The following DOCK5 variants were observed in gnomAD, a reference collection of about 807,000 sequenced individuals.
The protein encoded by DOCK5 is dedicator of cytokinesis protein 5.
DOCK5 carries 142 observed loss-of-function variants against 251.8 expected under a neutral mutation model. That is an observed-to-expected ratio of 0.56 (90% CI 0.49 to 0.65). DOCK5 has a LOEUF of 0.65. Ranked by LOEUF, DOCK5 falls within the 30% of genes least tolerant of loss-of-function variation. DOCK5 has a pLI of 0.00. For synonymous variants in DOCK5, 842 were observed against 835.5 expected, an observed-to-expected ratio of 1.01 and a Z score of -0.13; for missense variants, 2,111 against 2,312.3, an observed-to-expected ratio of 0.91 and a Z score of 1.79.
chr8:25,377,082 T>C (rs1800975672), intron 37 of DOCK5, among the ~76,000 whole-genome samples: 1 of 152,208 alleles, frequency 6.6e-6, no homozygotes, highest in Non-Finnish European at 1.5e-5. Flanking sequence ...CGACCTTGCT[T>C]TGTCGCTGGC....
chr8:25,368,740 A>T lies in DOCK5; in HGVS notation c.3438+15A>T. 6.2e-7 allele frequency: 1 copy of T among 1,609,422 alleles called. No homozygotes were observed. Among genetic ancestry groups the T allele is most frequent in the Non-Finnish European group, 8.5e-7 (1 of 1,177,492 alleles). ...ATTTCCATATGGTAAGAAGTGGCAG[A>T]CCGCGTAATATTAGTAAATGGACAT... is the stretch of plus-strand genomic sequence containing the variant. On this transcript the variant is annotated intron_variant, in intron 33 of 51. Transcript: ENST00000276440.
At chr8:25,187,814 C>G (rs1367092235) in intron 1 of DOCK5, among the ~76,000 whole-genome samples, 1 of 152,120 alleles carries the variant, frequency 6.6e-6, no homozygotes, top group Non-Finnish European at 1.5e-5. Context: ...CCCATTGTGC[C>G]TGTCCCTGCC....
At chr8:25,351,945 G>T (rs1329534854) in intron 27 of DOCK5, 119 bp downstream of exon 27, 3 of 699,784 alleles carry the variant, frequency 4.3e-6, no homozygotes, top group East Asian at 5.4e-5. Context: ...CTCACATCAT[G>T]GGTCATTGGT....
chr8:25,286,557 G>A (rs1159910134), intron 5 of DOCK5, among the ~76,000 whole-genome samples: 3 of 152,326 alleles, frequency 2.0e-5, no homozygotes, highest in Admixed American at 2.0e-4. Flanking sequence ...CTGCATGGAA[G>A]AGGAAAGGTT....
At chr8:25,367,104 A>G in intron 31 of DOCK5, 134 bp downstream of exon 31, 2 of 745,670 alleles carry the variant, frequency 2.7e-6, no homozygotes, top group Non-Finnish European at 4.5e-6. Context: ...TCTTCAACTA[A>G]TTACTTAATA....
chr8:25,361,036 A>G (rs1323574104), intron 28 of DOCK5, among the ~76,000 whole-genome samples: 2 of 152,164 alleles, frequency 1.3e-5, no homozygotes, highest in Admixed American at 6.5e-5. Flanking sequence ...GTGCACAGCT[A>G]GGCCTTTGCC....
intron 2 of DOCK5, among the ~76,000 whole-genome samples, chr8:25,246,078 T>C (rs576754551): frequency 2.6e-5 from 4 of 152,282 alleles, no homozygotes; most frequent in African/African-American, 9.6e-5. Context: ...TAACTTTTAA[T>C]TCCTATTTAT....
chr8:25,335,513 T>C (rs1401698904), intron 21 of DOCK5, among the ~76,000 whole-genome samples: 1 of 151,328 alleles, frequency 6.6e-6, no homozygotes, highest in East Asian at 1.9e-4. Context: ...ATAATAATTA[T>C]AAGTGACTAT....
chr8:25,296,722 A>T, intron 7 of DOCK5, 74 bp downstream of exon 7: 2 of 1,568,158 alleles, frequency 1.3e-6, no homozygotes, highest in Non-Finnish European at 1.7e-6. Context: ...AAAGAAAGGG[A>T]AATCATTGAG....
chr8:25,342,415 A>G lies in DOCK5; in HGVS notation c.2525A>G (p.Lys842Arg). The G allele has an allele frequency of 6.3e-7, 1 of 1,594,310 alleles. No homozygotes were observed. The highest frequency in any genetic ancestry group is 8.6e-7 in the Non-Finnish European group (1 of 1,168,832). ...DPVELSVLFC[K>R]FIQSIPDNQL... ...TTCTCTCCCAGCGTGCTCTTCTGCA[A>G]ATTCATTCAAAGCATTCCTGACAAC... Residue 842 changes from lysine to arginine, a missense_variant, in exon 25 of 52, where the codon AAA (lysine) becomes AGA (arginine). Lys to Arg is a conservative substitution (Grantham distance 26). Around this residue, in one of 3 missense-constraint regions of DOCK5, gnomAD observed 1,717 missense variants for 1,892.4 expected, o/e 0.91. Coordinates refer to ENST00000276440, the MANE Select transcript of DOCK5 (RefSeq NM_024940.8).
rs1801655521 is a variant in DOCK5, at chr8:25,412,880, CAGAT to C, written c.*1583_*1586del. The C allele has an allele frequency of 2.0e-5, 3 of 152,212 alleles. No homozygotes were observed. The highest frequency in any genetic ancestry group is 7.2e-5 in the African/African-American group (3 of 41,436). 9.4% of individuals were successfully genotyped at this position (152,212 alleles called of 1,614,324 possible). A position where few individuals can be genotyped will look rare whatever the true frequency, so the allele number is the denominator to read the frequency against. ...TGAGGGTCAGGGAAGCAAAAGCTCTCAGATGTGTCCAGGGCGTTACTTAAGAAAT... is the reference window on the plus strand; with the variant it reads ...TGAGGGTCAGGGAAGCAAAAGCTCTCGTGTCCAGGGCGTTACTTAAGAAAT... On this transcript the variant is annotated 3_prime_UTR_variant, in exon 52 of 52. Transcript: ENST00000276440.
chr8:25,371,246 T>A (rs1029972705), intron 34 of DOCK5, among the ~76,000 whole-genome samples: 3 of 152,258 alleles, frequency 2.0e-5, no homozygotes, highest in African/African-American at 7.2e-5. Flanking sequence ...GAGATGGGGT[T>A]TCACGATGTT....
chr8:25,312,726 G>A (rs1205444886), intron 13 of DOCK5, among the ~76,000 whole-genome samples: 1 of 147,334 alleles, frequency 6.8e-6, no homozygotes, highest in Non-Finnish European at 1.5e-5. Context: ...TTGCACCACC[G>A]CGCTCCAGCA....
At chr8:25,265,115 A>G (rs1443363218) in intron 2 of DOCK5, among the ~76,000 whole-genome samples, 1 of 151,410 alleles carries the variant, frequency 6.6e-6, no homozygotes, top group Admixed American at 6.6e-5. Flanking sequence ...TCTCCATGGC[A>G]TATAATACCT....
At chr8:25,194,915 C>T (rs1417949157) in intron 1 of DOCK5, among the ~76,000 whole-genome samples, 7 of 86,700 alleles carry the variant, frequency 8.1e-5, no homozygotes, top group Admixed American at 1.3e-4. Context: ...GCTACTGCAA[C>T]GGTATTTTTT....
rs757419390 is a variant in DOCK5 at position 25,345,605 on chromosome 8, G to T, written c.2748G>T (p.Lys916Asn). The T allele has an allele frequency of 6.2e-7, 1 of 1,613,732 alleles. No individual in the cohort carries two copies. Among genetic ancestry groups the T allele is most frequent in the Non-Finnish European group, 8.5e-7 (1 of 1,179,836 alleles). ...ACATCCTGGAGGTGCTGGACAGGAA[G>T]GATGTGGTGAGTTGAGTCATCACTG... ...LSNILEVLDR[K>N]DVGATAVHIQ... The change falls in exon 26 of 52, where the codon AAG becomes AAT. Residue 916 changes from lysine (K) to asparagine (N), a missense_variant. Coordinates refer to ENST00000276440, the MANE Select transcript of DOCK5 (RefSeq NM_024940.8).
chr8:25,210,033 T>TATAAAAAA (rs1293166301), intron 1 of DOCK5, among the ~76,000 whole-genome samples: 2 of 22,866 alleles, frequency 8.7e-5, no homozygotes, highest in African/African-American at 1.8e-4. Flanking sequence ...TATATATATA[T>TATAAAAAA]AAATGTGTGT....
At chr8:25,363,562 T>C (rs1351782366) in intron 29 of DOCK5, among the ~76,000 whole-genome samples, 1 of 152,266 alleles carries the variant, frequency 6.6e-6, no homozygotes, top group Non-Finnish European at 1.5e-5. Context: ...GAAATAGCAC[T>C]GTCATGGCCT....
At chr8:25,328,062 C>T (rs879470229) in intron 18 of DOCK5, among the ~76,000 whole-genome samples, 6 of 151,208 alleles carry the variant, frequency 4.0e-5, no homozygotes, top group African/African-American at 7.3e-5. Context: ...CGCTAGTTGC[C>T]CTAGTCGCAT....
Sources: allele counts gnomAD v4.1 joint callset (sites outside exome capture counted in the v4.1 genomes callset), GRCh38; gene constraint gnomAD v4.1.1; regional missense constraint gnomAD v4.1.1; transcripts MANE v1.5; gene names NCBI Gene and HGNC (gene_info 2026-07-23, HGNC 2026-07-21).